The following KIAA1328 variants were observed in gnomAD, a reference collection of about 807,000 sequenced individuals.
The protein encoded by KIAA1328 is KIAA1328.
In KIAA1328, 52 loss-of-function variants were observed where a neutral mutation model predicts 68.1. The ratio of observed to expected loss-of-function variants is 0.76; its 90% CI spans 0.61 to 0.96. The LOEUF (loss-of-function observed/expected upper bound fraction) is 0.96. Among genes scored for constraint, KIAA1328 ranks in the 40% least tolerant of loss-of-function variants. The pLI, the probability that KIAA1328 is intolerant of heterozygous loss-of-function variation, is 0.00. For synonymous variants in KIAA1328, 232 were observed against 239.4 expected, an observed-to-expected ratio of 0.97 and a Z score of 0.28; for missense variants, 641 against 677.6, an observed-to-expected ratio of 0.95 and a Z score of 0.60.
intron 6 of KIAA1328, among the ~76,000 whole-genome samples, chr18:37,024,505 C>T (rs1190061306): frequency 6.6e-6 from 1 of 151,758 alleles, no homozygotes; most frequent in Non-Finnish European, 1.5e-5. Flanking sequence ...TTAGGTATAT[C>T]TCCTAATGCT....
chr18:36,926,627 G>T (rs933153590), intron 5 of KIAA1328, among the ~76,000 whole-genome samples: 6 of 152,096 alleles, frequency 3.9e-5, no homozygotes, highest in Admixed American at 3.9e-4. Context: ...TGGAGTAGAA[G>T]ATAGGTATTA....
intron 3 of KIAA1328, among the ~76,000 whole-genome samples, chr18:36,841,771 G>A (rs941781029): frequency 6.6e-5 from 10 of 152,178 alleles, no homozygotes; most frequent in African/African-American, 2.4e-4. Context: ...GATTCGGCTT[G>A]CAGCCATGGT....
chr18:37,077,085 A>G (rs1478185391), intron 7 of KIAA1328, among the ~76,000 whole-genome samples: 1 of 151,780 alleles, frequency 6.6e-6, no homozygotes, highest in African/African-American at 2.4e-5. Flanking sequence ...AAAATCCTCA[A>G]TAAAATACTG....
intron 6 of KIAA1328, among the ~76,000 whole-genome samples, chr18:36,962,019 C>A (rs1164610353): frequency 1.3e-5 from 2 of 152,204 alleles, no homozygotes; most frequent in Non-Finnish European, 2.9e-5. Context: ...CACAGACTGG[C>A]AAATTGGATA....
At chr18:36,948,157 G>A (rs538493874) in intron 5 of KIAA1328, among the ~76,000 whole-genome samples, 2 of 152,040 alleles carry the variant, frequency 1.3e-5, no homozygotes, top group Non-Finnish European at 2.9e-5. Flanking sequence ...CATGTGTATT[G>A]AAATGGATAG....
chr18:37,055,685 G>C (rs747997124), intron 6 of KIAA1328, among the ~76,000 whole-genome samples: 2 of 152,236 alleles, frequency 1.3e-5, no homozygotes, highest in East Asian at 3.9e-4. Flanking sequence ...GAGATACAAC[G>C]ACCTGGCCCA....
chr18:37,011,743 T>C (rs921427361), intron 6 of KIAA1328, among the ~76,000 whole-genome samples: 2 of 152,166 alleles, frequency 1.3e-5, no homozygotes, highest in African/African-American at 4.8e-5. Flanking sequence ...ATGAATACAT[T>C]TTTATGACAT....
At chr18:36,899,308 A>T (rs2151025283) in intron 5 of KIAA1328, among the ~76,000 whole-genome samples, 1 of 152,012 alleles carries the variant, frequency 6.6e-6, no homozygotes, top group South Asian at 2.1e-4. Flanking sequence ...TGTCTTGTAC[A>T]CTATTGTATA....
At chr18:37,226,774 A>AT (rs56834709), downstream of KIAA1328, among the ~76,000 whole-genome samples, 762 of 134,362 alleles carry the variant, frequency 5.7e-3, 8 homozygotes, top group Admixed American at 0.021. Flanking sequence ...CATGCAAAAC[A>AT]TTTTTTTTTT....
At chr18:37,097,207 G>A (rs948477510) in intron 7 of KIAA1328, among the ~76,000 whole-genome samples, 1 of 152,140 alleles carries the variant, frequency 6.6e-6, no homozygotes, top group Non-Finnish European at 1.5e-5. Context: ...CTGGTTTTAG[G>A]TCTAACATTT....
chr18:37,037,602 C>T (rs1182294458), intron 6 of KIAA1328, among the ~76,000 whole-genome samples: 3 of 152,124 alleles, frequency 2.0e-5, no homozygotes, highest in Admixed American at 6.6e-5. Flanking sequence ...GGTTGTCTTT[C>T]GCCAGGCATG....
intron 7 of KIAA1328, among the ~76,000 whole-genome samples, chr18:37,079,402 G>A (rs2056868382): frequency 7.1e-6 from 1 of 141,546 alleles, no homozygotes; most frequent in Non-Finnish European, 1.5e-5. Flanking sequence ...AATGGGTGCA[G>A]CACACCAGCA....
At chr18:36,912,575 G>A (rs904249040) in intron 5 of KIAA1328, among the ~76,000 whole-genome samples, 4 of 152,062 alleles carry the variant, frequency 2.6e-5, no homozygotes, top group Non-Finnish European at 5.9e-5. Flanking sequence ...TGGGTGTACC[G>A]TTACTCCGCC....
At chr18:37,071,438 A>G (rs1017555016) in intron 7 of KIAA1328, among the ~76,000 whole-genome samples, 27 of 152,168 alleles carry the variant, frequency 1.8e-4, no homozygotes, top group African/African-American at 5.8e-4. Context: ...ATATCCCTGG[A>G]GTCAACCAAC....
chr18:36,884,537 TA>T (rs2048433126), intron 4 of KIAA1328, among the ~76,000 whole-genome samples: 2 of 152,192 alleles, frequency 1.3e-5, no homozygotes, highest in African/African-American at 4.8e-5. Flanking sequence ...TCAATATCTC[TA>T]ACAGAGGGCA....
intron 5 of KIAA1328, among the ~76,000 whole-genome samples, chr18:36,888,104 C>G (rs1326792250): frequency 6.6e-6 from 1 of 152,064 alleles, no homozygotes; most frequent in Non-Finnish European, 1.5e-5. Context: ...TTTTGTCAGG[C>G]TAAATATTAT....
chr18:37,095,360 A>T lies in KIAA1328; in HGVS notation c.1232+27815A>T, dbSNP rs79700264. On this transcript the variant is annotated intron_variant, in intron 7 of 9. Coordinates refer to ENST00000280020, the MANE Select transcript of KIAA1328 (RefSeq NM_020776.3). The stretch of plus-strand genomic sequence containing the variant: ...AAAACAAATCTCAGCATCTAAAAAT[A>T]TCAACATCATATGAAATATTTTATC... Among the ~76,000 whole-genome samples the T allele has an allele frequency of 1.5e-3, 232 of 152,342 alleles. 1 individual carries two copies. The highest frequency in any genetic ancestry group is 5.5e-3 in the African/African-American group (228 of 41,574).
intron 4 of KIAA1328, among the ~76,000 whole-genome samples, chr18:36,859,567 C>G (rs2047491944): frequency 6.9e-6 from 1 of 145,582 alleles, no homozygotes; most frequent in African/African-American, 2.5e-5. Flanking sequence ...CTGTCTCCCT[C>G]TCTCCCTCTC....
Position 37,225,144 on chromosome 18 carries a change from G to C in KIAA1328, c.*2917G>C, listed in dbSNP as rs2060624299. 2 of 981,724 alleles carry C rather than the reference G, an allele frequency of 2.0e-6. No homozygotes were observed. Among genetic ancestry groups the C allele is most frequent in the African/African-American group, 3.5e-5 (2 of 57,028 alleles). The allele number at this position is 981,724 out of a possible 1,614,324, so 60.8% of individuals were successfully genotyped here. On this transcript the variant is annotated 3_prime_UTR_variant, in exon 10 of 10. Transcript: ENST00000280020. ...GTTCATAATAGAGATCTTCTGGCCAGAGAATCAGGGGAGAGGAGAGGCCTG... is the reference window on the plus strand; with the variant it reads ...GTTCATAATAGAGATCTTCTGGCCACAGAATCAGGGGAGAGGAGAGGCCTG...
Sources: allele counts gnomAD v4.1 joint callset (sites outside exome capture counted in the v4.1 genomes callset), GRCh38; gene constraint gnomAD v4.1.1; transcripts MANE v1.5; gene names NCBI Gene and HGNC (gene_info 2026-07-23, HGNC 2026-07-21).